Variants in HELZ observed in about 807,000 individuals in gnomAD.
HELZ encodes helicase with zinc finger, also known as ATP-dependent RNA helicase with zinc finger domain.
Under a neutral mutation model 218.2 loss-of-function variants are expected in HELZ, and 23 were observed. The observed-to-expected ratio is 0.11, with a 90% CI of 0.08 to 0.15. The LOEUF (loss-of-function observed/expected upper bound fraction) is 0.15, where lower values mean the gene tolerates loss of function less well. Among genes scored for constraint, HELZ ranks in the 10% least tolerant of loss-of-function variants. The pLI is 1.00. For synonymous variants in HELZ, 814 were observed against 829.4 expected, an observed-to-expected ratio of 0.98 and a Z score of 0.32; for missense variants, 1,813 against 2,353.7, an observed-to-expected ratio of 0.77 and a Z score of 4.75.
chr17:67,161,347 T>G (rs951887978), intron 15 of HELZ, among the ~76,000 whole-genome samples: 5 of 152,244 alleles, frequency 3.3e-5, no homozygotes, highest in African/African-American at 4.8e-5. Flanking sequence ...ATCACATACT[T>G]CGAATCTAGC....
intron 8 of HELZ, among the ~76,000 whole-genome samples, chr17:67,194,659 A>G (rs1366884772): frequency 6.6e-6 from 1 of 152,224 alleles, no homozygotes; most frequent in Admixed American, 6.5e-5. Flanking sequence ...GGAGTTTCCA[A>G]ATAAACCAGG....
chr17:67,224,584 T>C (rs2040841105), intron 3 of HELZ: 7 of 464,304 alleles, frequency 1.5e-5, no homozygotes, highest in Non-Finnish European at 2.8e-5. Context: ...ATAACAATGA[T>C]CATGTTATTT....
intron 9 of HELZ, among the ~76,000 whole-genome samples, chr17:67,190,777 C>A (rs1223339971): frequency 1.3e-5 from 2 of 152,214 alleles, no homozygotes; most frequent in African/African-American, 4.8e-5. Flanking sequence ...GTGGCGTAAT[C>A]TCGACTCACT....
At chr17:67,239,844 C>T (rs1205777049) in intron 2 of HELZ, 2 of 152,174 alleles carry the variant, frequency 1.3e-5, no homozygotes, top group South Asian at 2.1e-4. Context: ...TTACTGGTCT[C>T]GTGACGTTAC....
At chr17:67,235,551 G>C (rs2143470817) in intron 3 of HELZ, among the ~76,000 whole-genome samples, 1 of 151,528 alleles carries the variant, frequency 6.6e-6, no homozygotes, top group South Asian at 2.1e-4. Flanking sequence ...ACCCACAAAT[G>C]GTCAAGCCTC....
intron 13 of HELZ, among the ~76,000 whole-genome samples, chr17:67,169,495 T>C (rs972387485): frequency 6.6e-6 from 1 of 152,214 alleles, no homozygotes; most frequent in African/African-American, 2.4e-5. Flanking sequence ...AGCCCATTCC[T>C]GTATAATCAC....
At chr17:67,218,863 T>C in intron 3 of HELZ, 41 bp from the exon 4 acceptor site, 1 of 1,416,572 alleles carries the variant, frequency 7.1e-7, no homozygotes, top group Non-Finnish European at 9.9e-7. Flanking sequence ...TTTTTTAAAC[T>C]TATTAATTAT....
At chr17:67,243,271 AAAGAG>A (rs1462804093) in intron 2 of HELZ, among the ~76,000 whole-genome samples, 6 of 152,202 alleles carry the variant, frequency 3.9e-5, no homozygotes, top group Non-Finnish European at 8.8e-5. Flanking sequence ...AATAATTATT[AAAGAG>A]AAAAGTACTA....
intron 31 of HELZ, among the ~76,000 whole-genome samples, chr17:67,105,601 G>A (rs1248450280): frequency 1.3e-5 from 2 of 152,090 alleles, no homozygotes; most frequent in Admixed American, 6.5e-5. Flanking sequence ...TGGCTAAAAT[G>A]GTGACTTTTA....
intron 3 of HELZ, among the ~76,000 whole-genome samples, chr17:67,232,773 G>C (rs76780379): frequency 0.035 from 5,268 of 152,268 alleles, 304 homozygotes; most frequent in African/African-American, 0.12. Context: ...CATGGGCATT[G>C]ATTACACTCT....
In HELZ at chr17:67,195,869, T is replaced by TGG. The variant is rs1491361512; in HGVS notation, c.430-401_430-400dup. Among the ~76,000 whole-genome samples the TGG allele has an allele frequency of 5.9e-3, 791 of 134,844 alleles. 6 individuals carry two copies. The highest frequency in any genetic ancestry group is 0.019 in the African/African-American group (615 of 32,692). 88.5% of individuals were successfully genotyped at this position (134,844 alleles called of 152,430 possible). A position where few individuals can be genotyped will look rare whatever the true frequency, so the allele number is the denominator to read the frequency against. ...TTTTTTTTCTTTTTTTTTTTTTTTT[T>TGG]GGGACAAAGTCTTGCTCTTTTGCCC... On this transcript the variant is annotated intron_variant, in intron 7 of 32. Transcript: ENST00000358691.
At chr17:67,205,935 A>G (rs1055963395) in intron 5 of HELZ, among the ~76,000 whole-genome samples, 1 of 152,266 alleles carries the variant, frequency 6.6e-6, no homozygotes, top group African/African-American at 2.4e-5. Flanking sequence ...ATCCCATATA[A>G]AAAACTATGG....
chr17:67,191,477 A>G (rs1353296653), intron 9 of HELZ, among the ~76,000 whole-genome samples: 3 of 152,016 alleles, frequency 2.0e-5, no homozygotes, highest in Non-Finnish European at 4.4e-5. Flanking sequence ...TTTTGGAGAT[A>G]GTCTCGCTCT....
chr17:67,127,639 G>A (rs1171424955), intron 24 of HELZ, among the ~76,000 whole-genome samples: 4 of 152,126 alleles, frequency 2.6e-5, no homozygotes, highest in East Asian at 3.9e-4. Flanking sequence ...CCTGAGCCCC[G>A]GAGTTTGAGA....
intron 4 of HELZ, among the ~76,000 whole-genome samples, chr17:67,217,834 T>A (rs1161150697): frequency 1.3e-5 from 2 of 152,162 alleles, no homozygotes; most frequent in African/African-American, 2.4e-5. Context: ...AACCCCAATA[T>A]TCCCAATCTC....
chr17:67,150,098 G>A (rs770734633), intron 18 of HELZ, 113 bp from the exon 19 acceptor site: 6 of 469,674 alleles, frequency 1.3e-5, no homozygotes, highest in Non-Finnish European at 2.0e-5. Context: ...TAATCTAAGA[G>A]TATTGAGTAC....
rs2035949476 is a variant in HELZ at position 67,073,745 on chromosome 17, C to G, written c.*4507G>C. 1 of 152,128 alleles carries G rather than the reference C, an allele frequency of 6.6e-6. No individual in the cohort carries two copies. The highest frequency in any genetic ancestry group is 2.4e-5 in the African/African-American group (1 of 41,434). The allele number at this position is 152,128 out of a possible 1,614,324, so 9.4% of individuals were successfully genotyped here. On this transcript the variant is annotated 3_prime_UTR_variant, in exon 33 of 33. Coordinates refer to ENST00000358691, the MANE Select transcript of HELZ (RefSeq NM_014877.4). The stretch of plus-strand genomic sequence containing the variant: ...TTTTAAATCTCTTGAATCTCATATT[C>G]TAGTTTAAAGTAATAACAGGATGTG...
intron 17 of HELZ, among the ~76,000 whole-genome samples, chr17:67,152,425 A>G (rs1170936357): frequency 6.6e-6 from 1 of 152,054 alleles, no homozygotes; most frequent in African/African-American, 2.4e-5. Flanking sequence ...AACAATAGAG[A>G]TATGAAAATG....
At chr17:67,104,449 A>G (rs909431168) in intron 31 of HELZ, among the ~76,000 whole-genome samples, 1 of 150,636 alleles carries the variant, frequency 6.6e-6, no homozygotes, top group Non-Finnish European at 1.5e-5. Flanking sequence ...AAAAAAAAAA[A>G]CAAACAACTA....
Sources: allele counts gnomAD v4.1 joint callset (sites outside exome capture counted in the v4.1 genomes callset), GRCh38; gene constraint gnomAD v4.1.1; transcripts MANE v1.5; gene names NCBI Gene and HGNC (gene_info 2026-07-23, HGNC 2026-07-21).